DPYD: variants seen among roughly 807,000 people sequenced by gnomAD.
DPYD encodes dihydropyrimidine dehydrogenase.
In DPYD, 109 loss-of-function variants were observed where a neutral mutation model predicts 116.2. The ratio of observed to expected loss-of-function variants is 0.94; its 90% CI spans 0.80 to 1.10. The LOEUF (loss-of-function observed/expected upper bound fraction) is 1.10, where lower values mean the gene tolerates loss of function less well. Among genes scored for constraint, DPYD ranks in the 50% least tolerant of loss-of-function variants. The probability of loss-of-function intolerance (pLI) is 0.00; values close to 1 mark genes in which losing one functional copy is unlikely to be tolerated. For missense variants in DPYD, 1,302 were observed against 1,254.5 expected (o/e 1.04, Z -0.57); for synonymous variants, 440 against 432.0 (o/e 1.02, Z -0.23).
intron 8 of DPYD, among the ~76,000 whole-genome samples, chr1:97,617,274 A>G (rs1385160798): frequency 2.0e-5 from 3 of 152,156 alleles, no homozygotes; most frequent in Admixed American, 2.0e-4. Context: ...CTGTTCTAAA[A>G]TGTCTATACA....
chr1:97,290,834 A>C (rs1032242629), intron 18 of DPYD, among the ~76,000 whole-genome samples: 7 of 152,184 alleles, frequency 4.6e-5, no homozygotes, highest in Non-Finnish European at 7.3e-5. Flanking sequence ...GAGTTAACAA[A>C]TGGGATCTAA....
In DPYD at chr1:97,163,064, G is replaced by C. The variant is rs1375519034; in HGVS notation, c.2622+30005C>G. The stretch of plus-strand genomic sequence containing the variant: ...CCTAGGCATTACCATTCAGGACATA[G>C]GCATGGGCAAGGACTTCATGTCTAA... On this transcript the variant is annotated intron_variant, in intron 20 of 22. Transcript: ENST00000370192. Among the ~76,000 whole-genome samples the C allele has an allele frequency of 1.3e-5, 2 of 151,292 alleles. 1 individual carries two copies.
chr1:97,489,836 T>A (rs1477691491), intron 13 of DPYD, among the ~76,000 whole-genome samples: 6 of 152,304 alleles, frequency 3.9e-5, no homozygotes, highest in Admixed American at 2.6e-4. Flanking sequence ...GCTAATAAAT[T>A]GCAGAGGTGG....
chr1:97,572,329 C>A (rs1445590708), intron 11 of DPYD, among the ~76,000 whole-genome samples: 1 of 151,906 alleles, frequency 6.6e-6, no homozygotes, highest in African/African-American at 2.4e-5. Context: ...TGCGCGCACA[C>A]ACACACAAGC....
chr1:97,442,479 T>A (rs1363090203), intron 14 of DPYD, among the ~76,000 whole-genome samples: 1 of 151,758 alleles, frequency 6.6e-6, no homozygotes, highest in Admixed American at 6.6e-5. Flanking sequence ...ATATTCTGAT[T>A]CATTTTTTGC....
chr1:97,459,809 G>T (rs544856856), intron 13 of DPYD, among the ~76,000 whole-genome samples: 260 of 151,976 alleles, frequency 1.7e-3, no homozygotes, highest in African/African-American at 5.7e-3. Context: ...ACAATAACAA[G>T]AAAAAAGCAA....
intron 13 of DPYD, among the ~76,000 whole-genome samples, chr1:97,506,447 C>CA (rs1647337145): frequency 1.3e-5 from 2 of 151,826 alleles, no homozygotes; most frequent in Admixed American, 1.3e-4. Context: ...AGGGTAAAAT[C>CA]AGTTTCTCAA....
chr1:97,109,402 G>T (rs1260234245), intron 20 of DPYD, among the ~76,000 whole-genome samples: 1 of 152,072 alleles, frequency 6.6e-6, no homozygotes, highest in African/African-American at 2.4e-5. Flanking sequence ...CCTTCAAAAT[G>T]CTACTGCTTT....
At position 97,573,820 on chromosome 1, in the gene DPYD, C is replaced by T. The variant is rs759082282; in HGVS notation, c.1279G>A (p.Val427Ile). Reference sequence around the variant, plus strand: ...ATGACCACATCGGCTTTCAGATGGACCATCTGATCTTCATCTTCATTCCAT... The same window carrying T: ...ATGACCACATCGGCTTTCAGATGGATCATCTGATCTTCATCTTCATTCCAT... ...GKWNEDEDQM[V>I]HLKADVVISA... is the part of the protein sequence containing the mutation. Residue 427 changes from valine (V) to isoleucine (I), a missense_variant, in exon 11 of 23, where the codon GTC becomes ATC. Transcript: ENST00000370192. 1 of 1,613,698 alleles carries T rather than the reference C, an allele frequency of 6.2e-7. No individual in the cohort carries two copies. Among genetic ancestry groups the T allele is most frequent in the South Asian group, 1.1e-5 (1 of 91,078 alleles).
intron 6 of DPYD, among the ~76,000 whole-genome samples, chr1:97,694,296 G>T (rs1661180544): frequency 6.6e-6 from 1 of 152,192 alleles, no homozygotes; most frequent in South Asian, 2.1e-4. Flanking sequence ...TGTGAAAAAT[G>T]TGACGTTTTT....
Position 97,699,354 on chromosome 1 carries a change from A to C in DPYD, c.677T>G (p.Leu226Ter), listed in dbSNP as rs2100971443. The change falls in exon 6 of 23, where the codon TTA becomes TGA. Residue 226 changes from leucine to a stop codon, truncating the protein, a stop_gained. Transcript: ENST00000370192. LOFTEE classifies it high-confidence loss of function. ...IFEKQEYVGG[L>*]STSEIPQFRL... Reference sequence around the variant, plus strand: ...ATGAAATAAATGTAGGCATTACCTTAAACCACCAACATATTCTTGTTTTTC... The same window carrying C: ...ATGAAATAAATGTAGGCATTACCTTCAACCACCAACATATTCTTGTTTTTC... 6.2e-7 allele frequency: 1 copy of C among 1,613,278 alleles called. No individual in the cohort carries two copies. Among genetic ancestry groups the C allele is most frequent in the Non-Finnish European group, 8.5e-7 (1 of 1,179,314 alleles).
intron 8 of DPYD, among the ~76,000 whole-genome samples, chr1:97,662,026 G>A (rs1271122371): frequency 8.5e-6 from 1 of 118,010 alleles, no homozygotes; most frequent in South Asian, 2.6e-4. Flanking sequence ...ACGGAGTCTC[G>A]CTCCGTCGCC....
chr1:97,765,530 A>G (rs890895307), intron 3 of DPYD, among the ~76,000 whole-genome samples: 2 of 151,884 alleles, frequency 1.3e-5, no homozygotes, highest in African/African-American at 4.8e-5. Flanking sequence ...AACAGCTCAC[A>G]CCTCCCAGGT....
intron 19 of DPYD, among the ~76,000 whole-genome samples, chr1:97,199,154 G>A (rs1463044286): frequency 2.0e-5 from 3 of 152,048 alleles, no homozygotes; most frequent in Admixed American, 1.3e-4. Context: ...GGAGATTTAC[G>A]TCTTCAAAAT....
intron 20 of DPYD, among the ~76,000 whole-genome samples, chr1:97,146,394 C>A (rs907838159): frequency 6.6e-6 from 1 of 152,132 alleles, no homozygotes; most frequent in Non-Finnish European, 1.5e-5. Context: ...CAGAGACAAA[C>A]TGGCCTATAT....
At chr1:97,846,606 T>C (rs1670315349) in intron 2 of DPYD, among the ~76,000 whole-genome samples, 1 of 152,218 alleles carries the variant, frequency 6.6e-6, no homozygotes, top group Non-Finnish European at 1.5e-5. Flanking sequence ...TTACTTGGGG[T>C]GGGAAAACCC....
At chr1:97,558,100 G>T (rs1651878434) in intron 11 of DPYD, among the ~76,000 whole-genome samples, 1 of 152,162 alleles carries the variant, frequency 6.6e-6, no homozygotes, top group Non-Finnish European at 1.5e-5. Context: ...GAACAGCAAA[G>T]AATTCTAGTC....
rs1392469279 is a variant in DPYD at position 97,197,167 on chromosome 1, T to C, written c.2443-3919A>G. 2.0e-5 allele frequency among the ~76,000 whole-genome samples: 3 copies of C among 152,212 alleles called. No homozygotes were observed. The East Asian group carries it at 5.8e-4, about 29-fold the overall frequency. ...ACATCAGATTAAAAAAATCTGTTTC[T>C]CAGGAGGAACAATTTGAACATTAAT... is the stretch of plus-strand genomic sequence containing the variant. On this transcript the variant is annotated intron_variant, in intron 19 of 22. Coordinates refer to ENST00000370192, the MANE Select transcript of DPYD (RefSeq NM_000110.4).
At chr1:97,631,354 C>A (rs1657249333) in intron 8 of DPYD, among the ~76,000 whole-genome samples, 1 of 152,058 alleles carries the variant, frequency 6.6e-6, no homozygotes, top group Non-Finnish European at 1.5e-5. Flanking sequence ...TCTCAGCAAA[C>A]CCTATTTGTT....
Sources: allele counts gnomAD v4.1 joint callset (sites outside exome capture counted in the v4.1 genomes callset), GRCh38; gene constraint gnomAD v4.1.1; transcripts MANE v1.5; gene names NCBI Gene and HGNC (gene_info 2026-07-23, HGNC 2026-07-21).